The following PDE10A variants were observed in gnomAD, a reference collection of about 807,000 sequenced individuals.
PDE10A encodes cAMP and cAMP-inhibited cGMP 3',5'-cyclic phosphodiesterase 10A.
A neutral mutation model predicts 97.7 loss-of-function variants in PDE10A; 39 were observed. The observed-to-expected ratio is 0.40, with a 90% CI of 0.31 to 0.52. The LOEUF is 0.52. PDE10A is among the 20% of genes least tolerant of loss of function. The probability of loss-of-function intolerance (pLI) is 0.56; values close to 1 mark genes in which losing one functional copy is unlikely to be tolerated. For missense variants in PDE10A, 731 were observed against 1,047.8 expected (o/e 0.70, Z 4.17); for synonymous variants, 371 against 376.8 (o/e 0.98, Z 0.18).
chr6:165,433,878 G>A (rs532354318), intron 6 of PDE10A, among the ~76,000 whole-genome samples: 11 of 151,794 alleles, frequency 7.2e-5, no homozygotes, highest in African/African-American at 1.9e-4. Flanking sequence ...TTAGCCGGGC[G>A]CGGTGGCAGG....
At chr6:165,835,895 T>G (rs1780052104) in intron 1 of PDE10A, among the ~76,000 whole-genome samples, 1 of 152,118 alleles carries the variant, frequency 6.6e-6, no homozygotes, top group African/African-American at 2.4e-5. Context: ...CAGAAAGTCT[T>G]CCAGTATTAG....
At chr6:165,694,457 G>A (rs1304231949) in intron 1 of PDE10A, among the ~76,000 whole-genome samples, 4 of 152,212 alleles carry the variant, frequency 2.6e-5, no homozygotes, top group Admixed American at 6.5e-5. Flanking sequence ...CAAGCATGGC[G>A]TGGAATCCTG....
At chr6:165,895,346 G>A (rs994663796) in intron 1 of PDE10A, among the ~76,000 whole-genome samples, 5 of 152,070 alleles carry the variant, frequency 3.3e-5, no homozygotes, top group South Asian at 2.1e-4. Context: ...TGCAGAGGAC[G>A]GCCACCCTGT....
At chr6:165,594,453 A>C (rs1786466518) in intron 1 of PDE10A, among the ~76,000 whole-genome samples, 1 of 152,328 alleles carries the variant, frequency 6.6e-6, no homozygotes, top group African/African-American at 2.4e-5. Flanking sequence ...ATATTATAAT[A>C]CTGAATAGAG....
chr6:165,977,788 C>T (rs530612420), intron 1 of PDE10A, among the ~76,000 whole-genome samples: 1 of 152,258 alleles, frequency 6.6e-6, no homozygotes, highest in East Asian at 1.9e-4. Flanking sequence ...AAGGCATGTA[C>T]AAAAATGTTG....
intron 18 of PDE10A, among the ~76,000 whole-genome samples, chr6:165,367,228 T>TAC (rs764622287): frequency 1.2e-4 from 15 of 126,162 alleles, no homozygotes; most frequent in East Asian, 2.1e-4. Flanking sequence ...TATATATATA[T>TAC]ACACACACAC....
chr6:165,635,507 G>A (rs915831827), intron 1 of PDE10A, among the ~76,000 whole-genome samples: 44 of 152,260 alleles, frequency 2.9e-4, no homozygotes, highest in Middle Eastern at 3.4e-3. Context: ...GCATGCACGC[G>A]TGCACGACCA....
rs1790252588 is a variant in PDE10A at position 165,661,466 on chromosome 6, C to A, written c.865+481G>T. 6.5e-6 allele frequency: 1 copy of A among 153,224 alleles called. No homozygotes were observed. Among genetic ancestry groups the A allele is most frequent in the South Asian group, 2.1e-4 (1 of 4,876 alleles). 9.5% of individuals were successfully genotyped at this position (153,224 alleles called of 1,614,324 possible). A position where few individuals can be genotyped will look rare whatever the true frequency, so the allele number is the denominator to read the frequency against. Reference sequence around the variant, plus strand: ...CCATCACAGTTGGAAGCGCGGGGTTCTGAGGCCCTGGCCTCCCTCACCCCG... The same window carrying A: ...CCATCACAGTTGGAAGCGCGGGGTTATGAGGCCCTGGCCTCCCTCACCCCG... On this transcript the variant is annotated intron_variant, in intron 1 of 21. Transcript: ENST00000539869. This position sits in a 1 kb window ranked among gnomAD's most constrained non-coding sequence, Gnocchi z 4.8.
intron 1 of PDE10A, among the ~76,000 whole-genome samples, chr6:165,847,017 C>T (rs902108974): frequency 6.6e-6 from 1 of 152,196 alleles, no homozygotes; most frequent in African/African-American, 2.4e-5. Context: ...GCAAGACACA[C>T]GTTAGGGCGT....
chr6:165,968,308 A>G (rs1365429162), intron 1 of PDE10A, among the ~76,000 whole-genome samples: 1 of 152,242 alleles, frequency 6.6e-6, no homozygotes, highest in Non-Finnish European at 1.5e-5. Flanking sequence ...TATTTTACAC[A>G]GTATTGACAT....
At chr6:165,643,511 T>C (rs1028759418) in intron 1 of PDE10A, among the ~76,000 whole-genome samples, 4 of 152,152 alleles carry the variant, frequency 2.6e-5, no homozygotes, top group African/African-American at 9.7e-5. Flanking sequence ...AGTAAGGCTC[T>C]GAAGAAGAAA....
chr6:165,885,675 G>A (rs574447657), intron 1 of PDE10A, among the ~76,000 whole-genome samples: 8 of 152,206 alleles, frequency 5.3e-5, no homozygotes, highest in African/African-American at 1.9e-4. Flanking sequence ...GAGAGGGAAG[G>A]CCTGGTTGTC....
intron 19 of PDE10A, 95 bp from the exon 20 acceptor site, chr6:165,339,453 C>A: frequency 2.5e-6 from 2 of 796,960 alleles, no homozygotes; most frequent in South Asian, 1.5e-5. Context: ...CCTTAATTTT[C>A]TTCAAAACAA....
intron 1 of PDE10A, among the ~76,000 whole-genome samples, chr6:165,615,036 C>T (rs1416671123): frequency 2.6e-5 from 4 of 151,492 alleles, no homozygotes; most frequent in Non-Finnish European, 5.9e-5. Flanking sequence ...ATGGTGAAAC[C>T]CCATCTCTAC....
intron 1 of PDE10A, among the ~76,000 whole-genome samples, chr6:165,593,967 C>T (rs143964814): frequency 2.0e-5 from 3 of 152,292 alleles, no homozygotes; most frequent in African/African-American, 7.2e-5. Context: ...AATGTATAAG[C>T]TTTCTAATAA....
intron 1 of PDE10A, among the ~76,000 whole-genome samples, chr6:165,646,587 T>C (rs918520750): frequency 6.6e-6 from 1 of 152,192 alleles, no homozygotes; most frequent in Non-Finnish European, 1.5e-5. Flanking sequence ...CAGCACGCGC[T>C]CAGTGATTCC....
chr6:165,771,910 CAG>C (rs201905427), intron 1 of PDE10A, among the ~76,000 whole-genome samples: 1,921 of 152,246 alleles, frequency 0.013, 19 homozygotes, highest in Middle Eastern at 0.034. Context: ...GAAGACAGGC[CAG>C]AGAGACCGGG....
intron 1 of PDE10A, among the ~76,000 whole-genome samples, chr6:165,577,806 C>A (rs375141167): frequency 1.3e-5 from 2 of 152,208 alleles, no homozygotes; most frequent in African/African-American, 4.8e-5. Flanking sequence ...AAACGCCATC[C>A]GCCCGCTTCC....
chr6:165,406,296 T>C (rs1382574120), intron 13 of PDE10A, among the ~76,000 whole-genome samples: 1 of 145,998 alleles, frequency 6.8e-6, no homozygotes, highest in African/African-American at 2.6e-5. Flanking sequence ...TAACAGGAGA[T>C]AGTTGAATTT....
Sources: gnomAD v4.1 joint callset for allele counts (sites outside exome capture counted in the v4.1 genomes callset) on GRCh38, gnomAD v4.1.1 for gene constraint, Gnocchi (gnomAD v3.1) non-coding constraint, MANE v1.5 for transcripts, NCBI Gene and HGNC (gene_info 2026-07-23, HGNC 2026-07-21) for gene names.